Variants in EPS8 observed in about 807,000 individuals in gnomAD.
EPS8 encodes the protein epidermal growth factor receptor kinase substrate 8.
A neutral mutation model predicts 103.8 loss-of-function variants in EPS8; 42 were observed. The observed-to-expected ratio is 0.40, with a 90% CI of 0.32 to 0.52. EPS8 has a LOEUF of 0.52. Ranked by LOEUF, EPS8 falls within the 20% of genes least tolerant of loss-of-function variation. The pLI is 0.40. For missense variants in EPS8, 969 were observed against 1,005.1 expected (o/e 0.96, Z 0.49); for synonymous variants, 344 against 344.6 (o/e 1.00, Z 0.02).
chr12:15,622,103 T>C (rs1178210413), intron 20 of EPS8, among the ~76,000 whole-genome samples: 1 of 152,048 alleles, frequency 6.6e-6, no homozygotes, highest in Non-Finnish European at 1.5e-5. Flanking sequence ...CAAATGACAA[T>C]AATGATAGGC....
intron 1 of EPS8, among the ~76,000 whole-genome samples, chr12:15,707,784 G>A (rs1946407512): frequency 6.6e-6 from 1 of 152,122 alleles, no homozygotes. Flanking sequence ...GTCCCCTAGT[G>A]TTCATTTTTC....
chr12:15,644,798 T>C (rs1945293697), intron 15 of EPS8, among the ~76,000 whole-genome samples: 1 of 152,072 alleles, frequency 6.6e-6, no homozygotes, highest in Admixed American at 6.6e-5. Flanking sequence ...AGGTCAACAA[T>C]AATTATTTAT....
At position 15,706,657 on chromosome 12, in the gene EPS8, T is replaced by C. The variant is rs749447375; in HGVS notation, c.-21-23685A>G. 6.6e-6 allele frequency among the ~76,000 whole-genome samples: 1 copy of C among 152,230 alleles called. No homozygotes were observed. The highest frequency in any genetic ancestry group is 2.1e-4 in the South Asian group (1 of 4,834). ...TATTTTGCATTTTCTTTCAAAAACA[T>C]CTTGAATCTCATCTTTCTTTTAGGT... On this transcript the variant is annotated intron_variant, in intron 1 of 20. Transcript: ENST00000281172. This position sits in a 1 kb window ranked among gnomAD's most constrained non-coding sequence, Gnocchi z 5.2.
rs117318828 is a variant in EPS8 at position 15,756,630 on chromosome 12, G to A, written c.-22+32531C>T. On this transcript the variant is annotated intron_variant, in intron 1 of 20. Coordinates refer to ENST00000281172, the MANE Select transcript of EPS8 (RefSeq NM_004447.6). ...AATATATTAGATACTAGCATACTTC[G>A]TTAATACATTGTACCTTATATTTTT... 3.5e-4 allele frequency among the ~76,000 whole-genome samples: 54 copies of A among 152,134 alleles called. No individual in the cohort carries two copies. The East Asian group carries it at 5.8e-3, about 16-fold the overall frequency.
intron 17 of EPS8, among the ~76,000 whole-genome samples, chr12:15,633,650 A>G (rs2135736457): frequency 6.6e-6 from 1 of 152,312 alleles, no homozygotes; most frequent in Non-Finnish European, 1.5e-5. Context: ...AATAGGTTTA[A>G]AATACATATT....
In EPS8 at chr12:15,623,285, G is replaced by T; in HGVS notation, c.2228C>A (p.Thr743Asn). 3 of 1,557,836 alleles carry T rather than the reference G, an allele frequency of 1.9e-6. No individual in the cohort carries two copies. The highest frequency in any genetic ancestry group is 2.3e-5 in the East Asian group (1 of 44,298). Residue 743 changes from threonine (T) to asparagine (N), a missense_variant and splice_region_variant, in exon 20 of 21, where the codon ACT becomes AAT. Physicochemically the swap from Thr to Asn is moderately conservative, Grantham distance 65. Transcript: ENST00000281172. ...WLQSKGFNPVTVNSLGVLNGA... is the reference protein window; with the variant it reads ...WLQSKGFNPVNVNSLGVLNGA... Reference sequence around the variant, plus strand: ...ATTTAATACTCCAAGACTATTGACAGTCCTAAAAAAAAAAAAAGGAAAAAG... The same window carrying T: ...ATTTAATACTCCAAGACTATTGACATTCCTAAAAAAAAAAAAAGGAAAAAG...
intron 17 of EPS8, chr12:15,631,892 C>T (rs1275723388): frequency 2.5e-5 from 10 of 402,066 alleles, no homozygotes; most frequent in South Asian, 1.7e-4. Flanking sequence ...CACAAGGCTA[C>T]GTCAATAGCA....
At chr12:15,678,967 T>G (rs1945958093) in intron 3 of EPS8, among the ~76,000 whole-genome samples, 2 of 151,712 alleles carry the variant, frequency 1.3e-5, no homozygotes, top group South Asian at 4.2e-4. Flanking sequence ...GATCTAAGAT[T>G]TTACAAAGTT....
At chr12:15,638,196 G>A (rs1394320008) in intron 17 of EPS8, among the ~76,000 whole-genome samples, 1 of 151,868 alleles carries the variant, frequency 6.6e-6, no homozygotes, top group African/African-American at 2.4e-5. Context: ...AGTAGATATG[G>A]GTATCTACTG....
chr12:15,645,640 C>T (rs985806403), intron 15 of EPS8, among the ~76,000 whole-genome samples: 2 of 152,044 alleles, frequency 1.3e-5, no homozygotes, highest in African/African-American at 4.8e-5. Context: ...GGTAAGGTGC[C>T]CAAAATAAAT....
rs1308311727 is a variant in EPS8 at position 15,736,394 on chromosome 12, A to C, written c.-22+52767T>G. On this transcript the variant is annotated intron_variant, in intron 1 of 20. Coordinates refer to ENST00000281172, the MANE Select transcript of EPS8 (RefSeq NM_004447.6). This position sits in a 1 kb window ranked among gnomAD's most constrained non-coding sequence, Gnocchi z 4.2. ...ATTTCATTCTTCTGTACAGAGGTTA[A>C]TATAATAAAAAATCACTTGCCTGGA... Among the ~76,000 whole-genome samples the C allele has an allele frequency of 6.6e-6, 1 of 152,226 alleles. No homozygotes were observed. The highest frequency in any genetic ancestry group is 1.5e-5 in the Non-Finnish European group (1 of 68,038).
intron 3 of EPS8, among the ~76,000 whole-genome samples, chr12:15,675,216 C>T (rs1591843937): frequency 6.6e-6 from 1 of 152,178 alleles, no homozygotes; most frequent in African/African-American, 2.4e-5. Flanking sequence ...TTCTTACCAA[C>T]ACCTCCTTGA....
chr12:15,624,096 T>C, intron 19 of EPS8, 131 bp downstream of exon 19: 1 of 681,182 alleles, frequency 1.5e-6, no homozygotes, highest in South Asian at 1.9e-5. Flanking sequence ...AGTGAGTTCT[T>C]GAGTATGGCA....
intron 1 of EPS8, among the ~76,000 whole-genome samples, chr12:15,765,204 A>C (rs921489608): frequency 6.6e-6 from 1 of 152,170 alleles, no homozygotes; most frequent in African/African-American, 2.4e-5. Flanking sequence ...AAAGTACCTA[A>C]ATGAAACAAA....
At chr12:15,637,978 T>C (rs1255025617) in intron 17 of EPS8, among the ~76,000 whole-genome samples, 3 of 152,190 alleles carry the variant, frequency 2.0e-5, no homozygotes, top group African/African-American at 4.8e-5. Context: ...AATAAAAAGA[T>C]GAGTAAGACA....
chr12:15,635,287 T>C (rs983020607), intron 17 of EPS8, among the ~76,000 whole-genome samples: 1 of 151,946 alleles, frequency 6.6e-6, no homozygotes, highest in African/African-American at 2.4e-5. Context: ...TAAAAACACA[T>C]ATATATATTT....
chr12:15,763,459 AATGT>A (rs1485839864), intron 1 of EPS8, among the ~76,000 whole-genome samples: 2 of 152,206 alleles, frequency 1.3e-5, no homozygotes, highest in Admixed American at 1.3e-4. Context: ...GTCTTCCAAC[AATGT>A]ATGTTTGAGG....
rs769380264 is a variant in EPS8, at chr12:15,621,428, A to C, written c.2358T>G (p.Asp786Glu). 6.4e-7 allele frequency: 1 copy of C among 1,567,332 alleles called. No homozygotes were observed. The highest frequency in any genetic ancestry group is 1.1e-5 in the South Asian group (1 of 88,252). Residue 786 changes from aspartate (D) to glutamate (E), a missense_variant and splice_region_variant, in exon 21 of 21, where the codon GAT becomes GAG. Transcript: ENST00000281172. ...CTTGTAACTCGGAGCTGCCACTGCT[A>C]TCCTGAAAGATAAACAGTTCAGACA... ...QITVQKAALE[D>E]SSGSSELQEI...
chr12:15,750,790 T>C (rs1479930014), intron 1 of EPS8, among the ~76,000 whole-genome samples: 1 of 152,202 alleles, frequency 6.6e-6, no homozygotes, highest in Admixed American at 6.5e-5. Flanking sequence ...ACTATCCATA[T>C]AAGCAATTTT....
Sources: allele counts gnomAD v4.1 joint callset (sites outside exome capture counted in the v4.1 genomes callset), GRCh38; gene constraint gnomAD v4.1.1; non-coding constraint Gnocchi (gnomAD v3.1); transcripts MANE v1.5; gene names NCBI Gene and HGNC (gene_info 2026-07-23, HGNC 2026-07-21).